The following GLDC variants were observed in gnomAD, a reference collection of about 807,000 sequenced individuals.
GLDC encodes glycine decarboxylase, also known as glycine dehydrogenase (decarboxylating), mitochondrial.
In GLDC, 104 loss-of-function variants were observed where a neutral mutation model predicts 121.3. That is an observed-to-expected ratio of 0.86 (90% confidence interval 0.73 to 1.01). The LOEUF is 1.01. Ranked by LOEUF, GLDC falls within the 50% of genes least tolerant of loss-of-function variation. GLDC has a pLI of 0.00. For missense variants in GLDC, 1,429 were observed against 1,306.6 expected, an observed-to-expected ratio of 1.09 and a Z score of -1.44; for synonymous variants, 546 against 480.6, an observed-to-expected ratio of 1.14 and a Z score of -1.78.
At chr9:6,587,064 T>C in intron 15 of GLDC, 77 bp downstream of exon 15, 10 of 1,223,404 alleles carry the variant, frequency 8.2e-6, no homozygotes, top group Non-Finnish European at 1.2e-5. Context: ...AAAGTTGTTG[T>C]TCTAAGCCTT....
At chr9:6,563,054 A>G (rs1236699394) in intron 16 of GLDC, among the ~76,000 whole-genome samples, 1 of 152,166 alleles carries the variant, frequency 6.6e-6, no homozygotes, top group East Asian at 1.9e-4. Flanking sequence ...AGGATGGGCA[A>G]TGGGGCCAAG....
At chr9:6,562,721 T>G (rs1817782897) in intron 16 of GLDC, among the ~76,000 whole-genome samples, 1 of 152,082 alleles carries the variant, frequency 6.6e-6, no homozygotes, top group Admixed American at 6.5e-5. Context: ...CCACCATGCC[T>G]GGCTAATTTT....
Position 6,639,882 on chromosome 9 carries a change from A to G in GLDC, c.334+4732T>C, listed in dbSNP as rs572069602. Among the ~76,000 whole-genome samples the G allele has an allele frequency of 1.9e-3, 291 of 152,254 alleles. 2 individuals carry two copies. Among genetic ancestry groups the G allele is most frequent in the African/African-American group, 6.5e-3 (269 of 41,540 alleles). On this transcript the variant is annotated intron_variant, in intron 2 of 24. Coordinates refer to ENST00000321612, the MANE Select transcript of GLDC (RefSeq NM_000170.3). ...AGATTGCTATCTCTAGTGACAATCC[A>G]GGAAACCGAACAACAACTTCCCTAA... is the stretch of plus-strand genomic sequence containing the variant.
At chr9:6,554,422 G>C (rs1271666034) in intron 19 of GLDC, among the ~76,000 whole-genome samples, 1 of 152,166 alleles carries the variant, frequency 6.6e-6, no homozygotes. Context: ...TAATAAACCT[G>C]CTGTCTATGT....
chr9:6,564,247 CAAA>C (rs755108263), intron 16 of GLDC, among the ~76,000 whole-genome samples: 2 of 115,174 alleles, frequency 1.7e-5, no homozygotes. Context: ...GACTCCATCT[CAAA>C]AAAAAAAAAA....
rs149137237 is a variant in GLDC, at chr9:6,604,882, G to A, written c.862-98C>T. On this transcript the variant is annotated intron_variant, in intron 6 of 24. Transcript: ENST00000321612. ...TCTTAACTACAGGAAGACGGGCAGA[G>A]TGTGTTCACATCCTGTGAACTCCAT... is the stretch of plus-strand genomic sequence containing the variant. 419 of 1,039,854 alleles carry A rather than the reference G, an allele frequency of 4.0e-4. 1 individual carries two copies. In the African/African-American group the frequency reaches 6.0e-3, roughly 15 times the overall value. The allele number at this position is 1,039,854 out of a possible 1,614,324, so 64.4% of individuals were successfully genotyped here.
chr9:6,639,668 A>AAAATATATATATATAT, intron 2 of GLDC: 3,043 of 250,020 alleles, frequency 0.012, 71 homozygotes, highest in African/African-American at 0.041. Context: ...ATAAAAAAAA[A>AAAATATATATATATAT]GTATATATAT....
chr9:6,613,823 C>A (rs1818911224), intron 3 of GLDC, among the ~76,000 whole-genome samples: 3 of 152,140 alleles, frequency 2.0e-5, no homozygotes, highest in African/African-American at 7.2e-5. Context: ...GTCACCCAGG[C>A]TGGAGTGCAG....
At chr9:6,534,182 CAAAAA>C (rs1225665276) in intron 24 of GLDC, 18 of 56,672 alleles carry the variant, frequency 3.2e-4, no homozygotes, top group Admixed American at 1.2e-3. Context: ...GACTCCGTCT[CAAAAA>C]AAAAAAAAAA....
At chr9:6,631,325 T>A (rs913933830) in intron 2 of GLDC, among the ~76,000 whole-genome samples, 1 of 152,214 alleles carries the variant, frequency 6.6e-6, no homozygotes, top group African/African-American at 2.4e-5. Flanking sequence ...TGTCTCCGTA[T>A]GAGTGAGCAG....
At chr9:6,600,533 G>C (rs922594555) in intron 8 of GLDC, among the ~76,000 whole-genome samples, 5 of 152,020 alleles carry the variant, frequency 3.3e-5, no homozygotes, top group South Asian at 4.1e-4. Context: ...AAAATTATCT[G>C]GGTGTGGTGG....
chr9:6,547,979 T>C (rs1036952449), intron 21 of GLDC, among the ~76,000 whole-genome samples: 8 of 151,978 alleles, frequency 5.3e-5, no homozygotes, highest in South Asian at 2.1e-4. Context: ...AAAATATATA[T>C]ATAAATAAAT....
chr9:6,581,489 G>A (rs1046365474), intron 15 of GLDC, among the ~76,000 whole-genome samples: 1 of 152,210 alleles, frequency 6.6e-6, no homozygotes, highest in Non-Finnish European at 1.5e-5. Flanking sequence ...AAGCATACCA[G>A]AGGCATAGTG....
At chr9:6,592,661 A>G (rs900602035) in intron 10 of GLDC, among the ~76,000 whole-genome samples, 190 bp downstream of exon 10, 1 of 152,272 alleles carries the variant, frequency 6.6e-6, no homozygotes, top group African/African-American at 2.4e-5. Context: ...TCTAAAAGAA[A>G]GCAAAGGGTG....
chr9:6,562,077 G>C (rs146193260), intron 16 of GLDC, among the ~76,000 whole-genome samples: 4 of 152,310 alleles, frequency 2.6e-5, no homozygotes, highest in Admixed American at 6.5e-5. Flanking sequence ...TTTTTCTTTA[G>C]AGTTTTTATT....
chr9:6,581,286 G>A (rs1196814822), intron 15 of GLDC, among the ~76,000 whole-genome samples: 1 of 152,280 alleles, frequency 6.6e-6, no homozygotes, highest in Non-Finnish European at 1.5e-5. Context: ...GCCCCCAATG[G>A]GACTGATCTC....
chr9:6,577,474 A>T (rs751179257), intron 15 of GLDC, among the ~76,000 whole-genome samples: 1 of 152,220 alleles, frequency 6.6e-6, no homozygotes, highest in Admixed American at 6.5e-5. Flanking sequence ...GGTGCAAATG[A>T]GCCTATAACC....
At chr9:6,560,838 G>A (rs1265179082) in intron 16 of GLDC, among the ~76,000 whole-genome samples, 1 of 152,174 alleles carries the variant, frequency 6.6e-6, no homozygotes, top group Non-Finnish European at 1.5e-5. Context: ...ATGGGATTAA[G>A]GTAAAGAAAG....
intron 15 of GLDC, among the ~76,000 whole-genome samples, chr9:6,578,562 C>A (rs1388282074): frequency 6.6e-6 from 1 of 151,712 alleles, no homozygotes; most frequent in African/African-American, 2.4e-5. Flanking sequence ...CTCTTAGAAA[C>A]AGAGTCTCAC....
Sources: allele counts gnomAD v4.1 joint callset (sites outside exome capture counted in the v4.1 genomes callset), GRCh38; gene constraint gnomAD v4.1.1; transcripts MANE v1.5; gene names NCBI Gene and HGNC (gene_info 2026-07-23, HGNC 2026-07-21).